Variants in DNAAF9 observed in about 807,000 individuals in gnomAD.
DNAAF9 encodes dynein axonemal assembly factor 9.
A neutral mutation model predicts 167.0 loss-of-function variants in DNAAF9; 90 were observed. The observed-to-expected ratio is 0.54, with a 90% CI of 0.45 to 0.64. The LOEUF is 0.64. Ranked by LOEUF, DNAAF9 falls within the 30% of genes least tolerant of loss-of-function variation. DNAAF9 has a pLI of 0.00. For synonymous variants in DNAAF9, 491 were observed against 508.8 expected (o/e 0.96, Z 0.47); for missense variants, 1,315 against 1,442.2 (o/e 0.91, Z 1.43).
At chr20:3,296,817 C>G (rs1034991341) in intron 23 of DNAAF9, 44 bp downstream of exon 23, 1 of 1,296,218 alleles carries the variant, frequency 7.7e-7, no homozygotes, top group Admixed American at 1.7e-5. Context: ...AGCACACCCA[C>G]AAAGCCTAGG....
intron 15 of DNAAF9, 26 bp from the exon 16 acceptor site, chr20:3,322,288 T>C: frequency 1.3e-6 from 2 of 1,563,154 alleles, no homozygotes; most frequent in Non-Finnish European, 1.8e-6. Context: ...GATGGAAGAC[T>C]ATGTTAAAGA....
At chr20:3,341,332 T>C (rs1357046971) in intron 9 of DNAAF9, among the ~76,000 whole-genome samples, 4 of 140,368 alleles carry the variant, frequency 2.8e-5, no homozygotes, top group Non-Finnish European at 6.2e-5. Flanking sequence ...TGAGAAGCAC[T>C]TGACTCCCTC....
At chr20:3,298,622 GA>G (rs1318896609) in intron 21 of DNAAF9, among the ~76,000 whole-genome samples, 1 of 151,972 alleles carries the variant, frequency 6.6e-6, no homozygotes, top group East Asian at 1.9e-4. Context: ...CCCTAATCTG[GA>G]TTTTTTTCCC....
At chr20:3,391,339 T>C (rs554620089) in intron 1 of DNAAF9, among the ~76,000 whole-genome samples, 36 of 152,238 alleles carry the variant, frequency 2.4e-4, no homozygotes, top group Non-Finnish European at 3.8e-4. Context: ...ACCTAGTAAG[T>C]ATTAAAAAAC....
At chr20:3,380,356 T>C (rs921985437) in intron 3 of DNAAF9, among the ~76,000 whole-genome samples, 2 of 152,200 alleles carry the variant, frequency 1.3e-5, no homozygotes, top group African/African-American at 4.8e-5. Context: ...AATCAGTCTA[T>C]AAGAATAAAC....
chr20:3,322,260 A>G lies in DNAAF9; in HGVS notation c.1313T>C (p.Ile438Thr), dbSNP rs1005314594. ...GCTATCTTCACTGTCCAGCGGTACA[A>G]TTCTAGGAGGGGAAAGAGATGGAAG... ...HIHAVNNQGR[I>T]VPLDSEDSLS... The change falls in exon 16 of 37, where the codon ATT becomes ACT. Residue 438 changes from isoleucine to threonine, a missense_variant and splice_region_variant. Coordinates refer to ENST00000252032, the MANE Select transcript of DNAAF9 (RefSeq NM_001009984.3). The G allele has an allele frequency of 6.2e-7, 1 of 1,606,256 alleles. No individual in the cohort carries two copies. Among genetic ancestry groups the G allele is most frequent in the Non-Finnish European group, 8.5e-7 (1 of 1,173,738 alleles).
chr20:3,293,707 T>G (rs1055557385), intron 25 of DNAAF9, among the ~76,000 whole-genome samples: 1 of 147,958 alleles, frequency 6.8e-6, no homozygotes, highest in East Asian at 2.0e-4. Context: ...CTGGGGAAGA[T>G]AGTGTTTATA....
In DNAAF9 at chr20:3,337,131, G is replaced by A. The variant is rs188321081; in HGVS notation, c.981+3373C>T. On this transcript the variant is annotated intron_variant, in intron 10 of 36. Transcript: ENST00000252032. ...CCTGACCTCGTGATCTGCCCACCTC[G>A]GCTTCTCTAAGTGCTGGGATTACAG... Among the ~76,000 whole-genome samples, 225 of 151,244 alleles carry A rather than the reference G, an allele frequency of 1.5e-3. 1 individual carries two copies. The highest frequency in any genetic ancestry group is 1.6e-3 in the Non-Finnish European group (109 of 67,786).
chr20:3,295,084 T>C (rs1023315455), intron 23 of DNAAF9, among the ~76,000 whole-genome samples: 2 of 152,152 alleles, frequency 1.3e-5, no homozygotes, highest in African/African-American at 4.8e-5. Context: ...TTAGCCAGGA[T>C]GGTCCCGATC....
chr20:3,400,187 C>G (rs2083963729), intron 1 of DNAAF9, among the ~76,000 whole-genome samples: 1 of 152,206 alleles, frequency 6.6e-6, no homozygotes, highest in African/African-American at 2.4e-5. Context: ...TCTTCAATCA[C>G]AAAGCATTCA....
At chr20:3,275,158 G>A (rs2122832252) in intron 29 of DNAAF9, among the ~76,000 whole-genome samples, 1 of 152,330 alleles carries the variant, frequency 6.6e-6, no homozygotes, top group African/African-American at 2.4e-5. Context: ...GAGGCAAGCA[G>A]GATCTCAGAA....
At chr20:3,389,239 G>A (rs569256283) in intron 1 of DNAAF9, among the ~76,000 whole-genome samples, 63 of 152,084 alleles carry the variant, frequency 4.1e-4, no homozygotes, top group Non-Finnish European at 5.3e-4. Flanking sequence ...TCAACTTCCT[G>A]GGCTCAGGTG....
chr20:3,388,661 C>G (rs1336473587), intron 1 of DNAAF9, among the ~76,000 whole-genome samples: 2 of 152,126 alleles, frequency 1.3e-5, no homozygotes, highest in African/African-American at 4.8e-5. Context: ...ACCTTGAGAA[C>G]ATTATGGTAA....
chr20:3,348,359 T>C (rs142954655), intron 8 of DNAAF9, among the ~76,000 whole-genome samples, 166 bp downstream of exon 8: 2 of 152,208 alleles, frequency 1.3e-5, no homozygotes, highest in African/African-American at 4.8e-5. Flanking sequence ...CAACTTTTTA[T>C]AAAGGGTTGG....
At chr20:3,294,117 C>T (rs1158759822) in intron 25 of DNAAF9, 22 bp downstream of exon 25, 1 of 1,271,784 alleles carries the variant, frequency 7.9e-7, no homozygotes, top group Admixed American at 1.7e-5. Context: ...GAATTCCCAG[C>T]ATATCTGGTG....
chr20:3,335,281 C>A (rs919484266), intron 10 of DNAAF9, among the ~76,000 whole-genome samples: 9 of 152,116 alleles, frequency 5.9e-5, no homozygotes, highest in Admixed American at 2.0e-4. Context: ...GGTCTTCCAG[C>A]AACAAATTCT....
At chr20:3,337,114 C>T (rs2092992) in intron 10 of DNAAF9, among the ~76,000 whole-genome samples, 74,336 of 151,476 alleles carry the variant, frequency 0.49, 18,366 homozygotes, top group Middle Eastern at 0.65. Context: ...TTCCTGACCT[C>T]GTGATCTGCC....
Position 3,270,558 on chromosome 20 carries a change from C to T in DNAAF9, c.2655G>A (p.Leu885=). The T allele has an allele frequency of 6.2e-7, 1 of 1,612,342 alleles. No homozygotes were observed. Among genetic ancestry groups the T allele is most frequent in the South Asian group, 1.1e-5 (1 of 90,974 alleles). The change falls in exon 30 of 37, where the codon CTG becomes CTA. Residue 885 remains leucine, a synonymous_variant. Coordinates refer to ENST00000252032, the MANE Select transcript of DNAAF9 (RefSeq NM_001009984.3). The part of the protein sequence containing the change: ...PKCLDQCSQG[L]VSNVVFTSHT... ...GACTGGTGAATACCACGTTACTCAC[C>T]AGGCCTGGGAATAAAACCAAGGACA...
At chr20:3,328,550 A>G (rs1479654600) in intron 12 of DNAAF9, among the ~76,000 whole-genome samples, 3 of 152,138 alleles carry the variant, frequency 2.0e-5, no homozygotes, top group Non-Finnish European at 2.9e-5. Flanking sequence ...AAATCTCCCA[A>G]TGTGCACCCA....
Sources: gnomAD v4.1 joint callset for allele counts (sites outside exome capture counted in the v4.1 genomes callset) on GRCh38, gnomAD v4.1.1 for gene constraint, MANE v1.5 for transcripts, NCBI Gene and HGNC (gene_info 2026-07-23, HGNC 2026-07-21) for gene names.